RORA: variants seen among roughly 807,000 people sequenced by gnomAD.
RORA encodes the protein RAR related orphan receptor A.
In RORA, 7 loss-of-function variants were observed where a neutral mutation model predicts 69.5. The ratio of observed to expected loss-of-function variants is 0.10; its 90% CI spans 0.06 to 0.19. The LOEUF (loss-of-function observed/expected upper bound fraction) is 0.19, where lower values mean the gene tolerates loss of function less well. Ranked by LOEUF, RORA falls within the 10% of genes least tolerant of loss-of-function variation. The pLI is 1.00. For missense variants in RORA, 457 were observed against 663.0 expected, an observed-to-expected ratio of 0.69 and a Z score of 3.41; for synonymous variants, 261 against 240.8, an observed-to-expected ratio of 1.08 and a Z score of -0.78.
intron 2 of RORA, among the ~76,000 whole-genome samples, chr15:60,569,454 T>C (rs1394939335): frequency 6.6e-6 from 1 of 152,058 alleles, no homozygotes; most frequent in Non-Finnish European, 1.5e-5. Flanking sequence ...ACCCAAAGGA[T>C]TCATTTTTAC....
intron 1 of RORA, among the ~76,000 whole-genome samples, chr15:61,219,409 C>T (rs1465131046): frequency 6.6e-6 from 1 of 152,082 alleles, no homozygotes; most frequent in Non-Finnish European, 1.5e-5. Flanking sequence ...CCTGTCTCTA[C>T]TAAAAATACA....
chr15:61,103,674 C>T (rs2078911845), intron 1 of RORA, among the ~76,000 whole-genome samples: 1 of 152,200 alleles, frequency 6.6e-6, no homozygotes, highest in Non-Finnish European at 1.5e-5. Context: ...TTCTAATTCT[C>T]AGGGCATTCA....
intron 1 of RORA, among the ~76,000 whole-genome samples, chr15:60,692,579 G>C (rs2070843255): frequency 6.6e-6 from 1 of 152,332 alleles, no homozygotes; most frequent in South Asian, 2.1e-4. Context: ...GAAATGATAT[G>C]ATGTCTGGGA....
chr15:60,562,440 G>T (rs368466416), intron 2 of RORA, among the ~76,000 whole-genome samples: 10 of 145,430 alleles, frequency 6.9e-5, no homozygotes, highest in Admixed American at 1.4e-4. Flanking sequence ...TTGGGGGGGG[G>T]TTGCTTTTGT....
intron 1 of RORA, among the ~76,000 whole-genome samples, chr15:61,020,416 G>A (rs772662361): frequency 5.3e-5 from 8 of 152,198 alleles, no homozygotes; most frequent in Non-Finnish European, 8.8e-5. Flanking sequence ...ATTCTAGTTC[G>A]GAATTGCTGC....
chr15:60,558,200 T>C (rs768659959), intron 2 of RORA: 6 of 1,542,810 alleles, frequency 3.9e-6, no homozygotes, highest in Non-Finnish European at 5.4e-6. Context: ...GGAGGACAGG[T>C]CAGGAGGCCT....
At chr15:61,123,589 G>A (rs1413026322) in intron 1 of RORA, among the ~76,000 whole-genome samples, 1 of 152,166 alleles carries the variant, frequency 6.6e-6, no homozygotes, top group East Asian at 1.9e-4. Flanking sequence ...TGGAAACACC[G>A]AGGTAGGCTT....
intron 1 of RORA, among the ~76,000 whole-genome samples, chr15:60,808,403 T>A (rs533243670): frequency 6.6e-6 from 1 of 152,034 alleles, no homozygotes; most frequent in African/African-American, 2.4e-5. Context: ...ATAAAAAAAA[T>A]TTAAAAAATA....
intron 1 of RORA, among the ~76,000 whole-genome samples, chr15:60,835,312 T>C (rs1303768436): frequency 2.6e-5 from 4 of 152,198 alleles, no homozygotes; most frequent in Admixed American, 6.5e-5. Flanking sequence ...AAATGGAAAG[T>C]ATAGCCTGGG....
chr15:61,106,654 T>C (rs1377537842), intron 1 of RORA, among the ~76,000 whole-genome samples: 1 of 152,192 alleles, frequency 6.6e-6, no homozygotes, highest in Non-Finnish European at 1.5e-5. Context: ...CACACTGATT[T>C]TACCACTCAC....
intron 1 of RORA, among the ~76,000 whole-genome samples, chr15:61,056,443 TA>T (rs1238274185): frequency 6.6e-6 from 1 of 151,910 alleles, no homozygotes; most frequent in Non-Finnish European, 1.5e-5. Flanking sequence ...CAGAAGAAAG[TA>T]AAAAAGGGGA....
At chr15:60,934,533 C>A (rs1193525136) in intron 1 of RORA, among the ~76,000 whole-genome samples, 2 of 152,046 alleles carry the variant, frequency 1.3e-5, no homozygotes, top group African/African-American at 4.8e-5. Flanking sequence ...TGAGGTCTCA[C>A]TATGTGACCC....
intron 1 of RORA, among the ~76,000 whole-genome samples, chr15:60,779,483 C>G (rs2072223315): frequency 6.6e-6 from 1 of 152,168 alleles, no homozygotes; most frequent in Non-Finnish European, 1.5e-5. Context: ...CATTTGCAAT[C>G]CAGGCTGCTC....
intron 1 of RORA, among the ~76,000 whole-genome samples, chr15:60,815,108 T>C (rs1430608836): frequency 3.9e-5 from 6 of 152,122 alleles, no homozygotes; most frequent in African/African-American, 7.2e-5. Context: ...GACTCCTCTA[T>C]AAAAACGAGT....
intron 1 of RORA, among the ~76,000 whole-genome samples, chr15:60,802,313 T>C (rs906557544): frequency 2.0e-5 from 3 of 152,220 alleles, no homozygotes; most frequent in East Asian, 1.9e-4. Flanking sequence ...TTGGGCTCCA[T>C]TACAGCACAG....
chr15:60,883,152 GAA>G (rs1368433456), intron 1 of RORA, among the ~76,000 whole-genome samples: 1,837 of 53,294 alleles, frequency 0.034, 23 homozygotes, highest in East Asian at 0.15. Flanking sequence ...AAAAAAAAAA[GAA>G]AGAGAGAGAG....
At chr15:60,716,218 C>G (rs1313443233) in intron 1 of RORA, among the ~76,000 whole-genome samples, 1 of 152,210 alleles carries the variant, frequency 6.6e-6, no homozygotes, top group African/African-American at 2.4e-5. Context: ...CCACTTAACA[C>G]TGTTCTCTCA....
intron 1 of RORA, among the ~76,000 whole-genome samples, chr15:60,719,107 T>C (rs1255611912): frequency 1.3e-5 from 2 of 152,202 alleles, no homozygotes; most frequent in Non-Finnish European, 2.9e-5. Flanking sequence ...TGTTTGGGTC[T>C]TTACTTGATC....
intron 2 of RORA, among the ~76,000 whole-genome samples, chr15:60,668,642 G>T (rs2070415603): frequency 6.6e-6 from 1 of 152,144 alleles, no homozygotes. Context: ...GCAGAGACTG[G>T]TAACAATCAA....
Sources: gnomAD v4.1 joint callset for allele counts (sites outside exome capture counted in the v4.1 genomes callset) on GRCh38, gnomAD v4.1.1 for gene constraint, MANE v1.5 for transcripts, NCBI Gene and HGNC (gene_info 2026-07-23, HGNC 2026-07-21) for gene names.